Variants in WWOX observed in about 807,000 individuals in gnomAD.
The protein encoded by WWOX is WW domain containing oxidoreductase.
Under a neutral mutation model 46.2 loss-of-function variants are expected in WWOX, and 69 were observed. The ratio of observed to expected loss-of-function variants is 1.49; its 90% CI spans 1.23 to 1.82. WWOX has a LOEUF of 1.82. Ranked by LOEUF, WWOX falls within the 40% of genes most tolerant of loss-of-function variation. WWOX has a pLI of 0.00. For missense variants in WWOX, 919 were observed against 542.6 expected (o/e 1.69, Z -6.89); for synonymous variants, 359 against 202.6 (o/e 1.77, Z -6.56).
rs187813358 is a variant in WWOX, at chr16:78,795,135, A to C, written c.1056+362383A>C. ...AGGAGGTGATGGTGATGATATTGAT[A>C]ATGACAGCAAGAATGTCTTACATTT... is the stretch of plus-strand genomic sequence containing the variant. On this transcript the variant is annotated intron_variant, in intron 8 of 8. Coordinates refer to ENST00000566780, the MANE Select transcript of WWOX (RefSeq NM_016373.4). 3.0e-4 allele frequency among the ~76,000 whole-genome samples: 45 copies of C among 152,232 alleles called. 2 individuals are homozygous for C. In the East Asian group the frequency reaches 8.5e-3, roughly 29 times the overall value.
intron 8 of WWOX, among the ~76,000 whole-genome samples, chr16:78,757,618 G>C (rs2049686867): frequency 6.6e-6 from 1 of 151,778 alleles, no homozygotes; most frequent in Admixed American, 6.6e-5. Flanking sequence ...AAAAACATTT[G>C]TATTTATTTA....
intron 5 of WWOX, among the ~76,000 whole-genome samples, chr16:78,320,818 C>G (rs1687472988): frequency 6.6e-6 from 1 of 152,176 alleles, no homozygotes; most frequent in African/African-American, 2.4e-5. Context: ...TTGACATCAT[C>G]TCATCTGTAC....
At chr16:78,574,071 G>A (rs1355941284) in intron 8 of WWOX, among the ~76,000 whole-genome samples, 1 of 152,158 alleles carries the variant, frequency 6.6e-6, no homozygotes, top group African/African-American at 2.4e-5. Flanking sequence ...TTTTGACTCG[G>A]CCTGGCTTCT....
At chr16:78,488,622 A>C (rs577860346) in intron 8 of WWOX, among the ~76,000 whole-genome samples, 1 of 152,054 alleles carries the variant, frequency 6.6e-6, no homozygotes, top group Non-Finnish European at 1.5e-5. Context: ...GTGATATACA[A>C]TGTCAGTGCT....
rs2033876252 is a variant in WWOX, at chr16:78,138,483, G to A, written c.409+23329G>A. Among the ~76,000 whole-genome samples the A allele has an allele frequency of 2.0e-5, 3 of 152,140 alleles. No individual in the cohort carries two copies. The South Asian group carries it at 6.2e-4, about 32-fold the overall frequency. On this transcript the variant is annotated intron_variant, in intron 4 of 8. Transcript: ENST00000566780. Reference sequence around the variant, plus strand: ...AATCTGGCACTTATCTTTCAGTGGGGCCTGAGTGCAAATTCTTCCTACCTT... The same window carrying A: ...AATCTGGCACTTATCTTTCAGTGGGACCTGAGTGCAAATTCTTCCTACCTT...
intron 8 of WWOX, among the ~76,000 whole-genome samples, chr16:78,463,884 A>G (rs962784947): frequency 6.6e-6 from 1 of 152,214 alleles, no homozygotes; most frequent in African/African-American, 2.4e-5. Context: ...CTCCTTTTCT[A>G]GTATGGACCT....
intron 8 of WWOX, among the ~76,000 whole-genome samples, chr16:79,084,725 C>G (rs2048822975): frequency 6.7e-6 from 1 of 149,108 alleles, no homozygotes; most frequent in Non-Finnish European, 1.5e-5. Context: ...CAAGTAATTT[C>G]TAAGTATTAT....
At chr16:79,027,032 C>T (rs1183258876) in intron 8 of WWOX, among the ~76,000 whole-genome samples, 1 of 151,500 alleles carries the variant, frequency 6.6e-6, no homozygotes, top group Non-Finnish European at 1.5e-5. Flanking sequence ...GTAATCCCAG[C>T]ACTTTGGGAG....
intron 8 of WWOX, among the ~76,000 whole-genome samples, chr16:78,833,441 C>T (rs910405874): frequency 3.9e-5 from 6 of 152,038 alleles, no homozygotes; most frequent in African/African-American, 1.2e-4. Context: ...CCTCCTCCTC[C>T]TCCTCCTCCT....
intron 5 of WWOX, among the ~76,000 whole-genome samples, chr16:78,257,456 G>A (rs1385335619): frequency 6.6e-6 from 1 of 152,190 alleles, no homozygotes. Context: ...AGCCAGGGAT[G>A]GAGCTGGGGA....
chr16:79,125,642 G>C (rs1422998266), intron 8 of WWOX, among the ~76,000 whole-genome samples: 1 of 152,072 alleles, frequency 6.6e-6, no homozygotes, highest in Non-Finnish European at 1.5e-5. Context: ...ACAAGTTCTG[G>C]GCCATAACTC....
At chr16:79,080,297 C>T (rs12918601) in intron 8 of WWOX, among the ~76,000 whole-genome samples, 3,758 of 152,250 alleles carry the variant, frequency 0.025, 49 homozygotes, top group African/African-American at 0.042. Flanking sequence ...CTGCTTTTCT[C>T]TGTACATCTG....
chr16:79,121,456 C>T lies in WWOX; in HGVS notation c.1057-90152C>T, dbSNP rs1362135267. Among the ~76,000 whole-genome samples the T allele has an allele frequency of 2.0e-5, 3 of 152,172 alleles. No individual in the cohort carries two copies. In the East Asian group the frequency reaches 5.8e-4, roughly 29 times the overall value. On this transcript the variant is annotated intron_variant, in intron 8 of 8. Coordinates refer to ENST00000566780, the MANE Select transcript of WWOX (RefSeq NM_016373.4). Reference sequence around the variant, plus strand: ...TAGATGGAATTCTAAGGTCCGATGTCGGTTTGCCATGACTTGGGCATTGGT... The same window carrying T: ...TAGATGGAATTCTAAGGTCCGATGTTGGTTTGCCATGACTTGGGCATTGGT...
At chr16:79,142,284 A>G (rs1490083056) in intron 8 of WWOX, among the ~76,000 whole-genome samples, 1 of 152,194 alleles carries the variant, frequency 6.6e-6, no homozygotes, top group African/African-American at 2.4e-5. Context: ...CTCCAAGCAT[A>G]TAAAACAGGG....
rs1231309776 is a variant in WWOX at position 78,346,059 on chromosome 16, C to G, written c.517-40801C>G. ...CAGACAGCCTCAGCTCCAGGAAAAC[C>G]CTGGTCTGTTTTCTGTCACTATTGA... On this transcript the variant is annotated intron_variant, in intron 5 of 8. Transcript: ENST00000566780. Among the ~76,000 whole-genome samples the G allele has an allele frequency of 2.5e-5, 3 of 121,022 alleles. 1 individual carries two copies. The highest frequency in any genetic ancestry group is 5.9e-5 in the Non-Finnish European group (3 of 50,576). The allele number at this position is 121,022 out of a possible 152,430, so 79.4% of individuals were successfully genotyped here.
At chr16:78,345,719 G>C (rs2081084810) in intron 5 of WWOX, among the ~76,000 whole-genome samples, 1 of 113,880 alleles carries the variant, frequency 8.8e-6, no homozygotes, top group East Asian at 2.0e-4. Flanking sequence ...TACACACTCA[G>C]TGAAATGGCC....
intron 6 of WWOX, among the ~76,000 whole-genome samples, chr16:78,399,826 C>T (rs780908980): frequency 2.0e-5 from 3 of 152,178 alleles, no homozygotes; most frequent in Non-Finnish European, 2.9e-5. Flanking sequence ...TGTGCTAAAA[C>T]CACACTGAAA....
At chr16:78,788,246 C>T (rs868791370) in intron 8 of WWOX, among the ~76,000 whole-genome samples, 1 of 152,224 alleles carries the variant, frequency 6.6e-6, no homozygotes, top group African/African-American at 2.4e-5. Context: ...ACATTTACTC[C>T]TGTGGTGTTA....
intron 8 of WWOX, among the ~76,000 whole-genome samples, chr16:78,850,952 C>G (rs150353072): frequency 3.8e-4 from 58 of 152,288 alleles, no homozygotes; most frequent in African/African-American, 1.3e-3. Flanking sequence ...GGGAGTGTGC[C>G]AACACCTCTC....
Sources: allele counts gnomAD v4.1 joint callset (sites outside exome capture counted in the v4.1 genomes callset), GRCh38; gene constraint gnomAD v4.1.1; transcripts MANE v1.5; gene names NCBI Gene and HGNC (gene_info 2026-07-23, HGNC 2026-07-21).